Variants in TRIM14 observed in about 807,000 individuals in gnomAD.
The protein encoded by TRIM14 is tripartite motif containing 14, also known as tripartite motif-containing protein 14.
A neutral mutation model predicts 44.5 loss-of-function variants in TRIM14; 28 were observed. The ratio of observed to expected loss-of-function variants is 0.63; its 90% confidence interval spans 0.47 to 0.86. The LOEUF is 0.86. Among genes scored for constraint, TRIM14 ranks in the 40% least tolerant of loss-of-function variants. The probability of loss-of-function intolerance (pLI) is 0.00; values close to 1 mark genes in which losing one functional copy is unlikely to be tolerated. For synonymous variants in TRIM14, 299 were observed against 269.2 expected (o/e 1.11, Z -1.08); for missense variants, 607 against 611.1 (o/e 0.99, Z 0.07).
chr9:98,058,156 A>G, the TRIM14 span, among the ~76,000 whole-genome samples: 6 of 152,106 alleles, frequency 3.9e-5, no homozygotes, highest in East Asian at 1.2e-3. Context: ...AGCTCAAGCA[A>G]TCTGCCCACC....
the TRIM14 span, among the ~76,000 whole-genome samples, chr9:98,038,389 C>T: frequency 6.6e-6 from 1 of 152,046 alleles, no homozygotes; most frequent in African/African-American, 2.4e-5. Context: ...TGTTCTCAGC[C>T]ATTTGGACAG....
chr9:98,094,036 G>A (rs535382910), intron 4 of TRIM14, among the ~76,000 whole-genome samples: 26 of 152,160 alleles, frequency 1.7e-4, no homozygotes, highest in African/African-American at 4.1e-4. Flanking sequence ...GAGCCACCAC[G>A]CCCGGCCTTT....
the TRIM14 span, among the ~76,000 whole-genome samples, chr9:98,046,540 C>G: frequency 2.0e-5 from 3 of 151,910 alleles, no homozygotes; most frequent in Admixed American, 1.3e-4. Flanking sequence ...CTCCCGGGTT[C>G]AAACAATTCT....
chr9:98,103,013 T>C lies in TRIM14; in HGVS notation c.304-2849A>G, dbSNP rs578055569. 1.6e-3 allele frequency among the ~76,000 whole-genome samples: 241 copies of C among 152,088 alleles called. 2 individuals are homozygous for C. The highest frequency in any genetic ancestry group is 0.01 in the Middle Eastern group (3 of 294). ...CAGCCTGGCCAAGATGGTGAAACCC[T>C]GTCTCTACTAAAAATACAAAAAAAT... On this transcript the variant is annotated intron_variant, in intron 2 of 5. Coordinates refer to ENST00000341469, the MANE Select transcript of TRIM14 (RefSeq NM_014788.4).
intron 5 of TRIM14, among the ~76,000 whole-genome samples, chr9:98,088,987 G>T (rs967166915): frequency 6.6e-6 from 1 of 152,054 alleles, no homozygotes; most frequent in Non-Finnish European, 1.5e-5. Context: ...CATAAACAAG[G>T]CCAAACAGTT....
In TRIM14 at chr9:98,100,065, T is replaced by C; in HGVS notation, c.403A>G (p.Lys135Glu). ...EEALAKKFIDKNTQLTLQVYR... is the reference protein window; with the variant it reads ...EEALAKKFIDENTQLTLQVYR... ...ACCTGGAGGGTAAGCTGCGTGTTTT[T>C]ATCAATGAATTTCTTGGCCAGCGCT... is the stretch of plus-strand genomic sequence containing the variant. Residue 135 changes from lysine to glutamate, a missense_variant, in exon 3 of 6, where the codon AAA (lysine) becomes GAA (glutamate). Coordinates refer to ENST00000341469, the MANE Select transcript of TRIM14 (RefSeq NM_014788.4). 1.9e-6 allele frequency: 3 copies of C among 1,614,232 alleles called. No individual in the cohort carries two copies. Among genetic ancestry groups the C allele is most frequent in the Non-Finnish European group, 2.5e-6 (3 of 1,180,042 alleles).
the TRIM14 span, among the ~76,000 whole-genome samples, chr9:98,052,513 TTTTG>T: frequency 2.0e-5 from 3 of 152,104 alleles, no homozygotes; most frequent in African/African-American, 7.2e-5. Context: ...TAAATTTTTG[TTTTG>T]TTTGTTTGAG....
At chr9:98,040,403 CT>C in the TRIM14 span, among the ~76,000 whole-genome samples, 1 of 152,036 alleles carries the variant, frequency 6.6e-6, no homozygotes, top group African/African-American at 2.4e-5. Context: ...TGCTCGGGGC[CT>C]TTGATGTTGT....
At chr9:98,057,302 A>T in the TRIM14 span, among the ~76,000 whole-genome samples, 4 of 152,242 alleles carry the variant, frequency 2.6e-5, no homozygotes, top group South Asian at 6.2e-4. Context: ...CAAGATTTTA[A>T]TGACTGGGCC....
chr9:98,046,472 G>A, the TRIM14 span, among the ~76,000 whole-genome samples: 1 of 151,220 alleles, frequency 6.6e-6, no homozygotes, highest in Non-Finnish European at 1.5e-5. Flanking sequence ...ATGGAGTTTC[G>A]TTCTTGTTGC....
chr9:98,092,103 C>A, intron 4 of TRIM14, 102 bp from the exon 5 acceptor site: 2 of 841,020 alleles, frequency 2.4e-6, no homozygotes, highest in Non-Finnish European at 1.8e-6. Context: ...TAATCTCGCC[C>A]AAGAGCCAGG....
chr9:98,035,996 G>A, the TRIM14 span, among the ~76,000 whole-genome samples: 2 of 151,696 alleles, frequency 1.3e-5, no homozygotes, highest in Admixed American at 6.6e-5. Context: ...GGATTACGAG[G>A]TCAGGAATTC....
At chr9:98,108,879 CTTT>C (rs5899334) in intron 2 of TRIM14, among the ~76,000 whole-genome samples, 3 of 120,232 alleles carry the variant, frequency 2.5e-5, no homozygotes, top group Non-Finnish European at 1.7e-5. Flanking sequence ...TCAGGGGTTC[CTTT>C]TTTTTTTTTT....
intron 6 of TRIM14, among the ~76,000 whole-genome samples, chr9:98,070,255 C>T (rs910761291): frequency 6.6e-6 from 1 of 151,930 alleles, no homozygotes; most frequent in Non-Finnish European, 1.5e-5. Flanking sequence ...GTAGCTGGGA[C>T]TACAGGTGTA....
At chr9:98,052,600 T>G in the TRIM14 span, among the ~76,000 whole-genome samples, 2 of 152,150 alleles carry the variant, frequency 1.3e-5, no homozygotes, top group Non-Finnish European at 2.9e-5. Context: ...CTCCACCTCC[T>G]GGGTTCAAGT....
At chr9:98,092,405 C>T in intron 4 of TRIM14, 1 of 290,876 alleles carries the variant, frequency 3.4e-6, no homozygotes, top group Non-Finnish European at 7.1e-6. Context: ...TTGGCACTTG[C>T]TGTGCCCTCT....
chr9:98,106,597 C>A (rs183172533), intron 2 of TRIM14, among the ~76,000 whole-genome samples: 1 of 152,252 alleles, frequency 6.6e-6, no homozygotes, highest in East Asian at 1.9e-4. Context: ...TTTCTTATTA[C>A]CTTATGAAGG....
At chr9:98,056,432 CAT>C in the TRIM14 span, among the ~76,000 whole-genome samples, 2 of 152,238 alleles carry the variant, frequency 1.3e-5, no homozygotes, top group Non-Finnish European at 2.9e-5. Context: ...GAGAGCAGGA[CAT>C]AGACTATGCC....
chr9:98,073,908 T>A (rs1829465762), intron 6 of TRIM14, among the ~76,000 whole-genome samples: 1 of 152,152 alleles, frequency 6.6e-6, no homozygotes, highest in African/African-American at 2.4e-5. Flanking sequence ...CACTTCAGCC[T>A]CCTGAGTAGC....
Sources: gnomAD v4.1 joint callset for allele counts (sites outside exome capture counted in the v4.1 genomes callset) on GRCh38, gnomAD v4.1.1 for gene constraint, MANE v1.5 for transcripts, NCBI Gene and HGNC (gene_info 2026-07-23, HGNC 2026-07-21) for gene names.